Variants in RAPGEF6 observed in about 807,000 individuals in gnomAD.
The protein encoded by RAPGEF6 is Rap guanine nucleotide exchange factor 6.
RAPGEF6 carries 56 observed loss-of-function variants against 171.4 expected under a neutral mutation model. The ratio of observed to expected loss-of-function variants is 0.33; its 90% CI spans 0.26 to 0.41. The LOEUF (loss-of-function observed/expected upper bound fraction) is 0.41. Ranked by LOEUF, RAPGEF6 falls within the 10% of genes least tolerant of loss-of-function variation. The pLI is 1.00. For missense variants in RAPGEF6, 1,674 were observed against 1,921.4 expected, an observed-to-expected ratio of 0.87 and a Z score of 2.41; for synonymous variants, 692 against 650.1, an observed-to-expected ratio of 1.06 and a Z score of -0.98.
At chr5:131,504,472 A>AT (rs1257878251) in intron 11 of RAPGEF6, among the ~76,000 whole-genome samples, 154 bp downstream of exon 11, 1 of 152,200 alleles carries the variant, frequency 6.6e-6, no homozygotes, top group African/African-American at 2.4e-5. Context: ...AAAAAAAAAA[A>AT]AAATTTTAGA....
At chr5:131,576,223 G>A (rs1017374610) in intron 4 of RAPGEF6, among the ~76,000 whole-genome samples, 1 of 152,120 alleles carries the variant, frequency 6.6e-6, no homozygotes, top group Non-Finnish European at 1.5e-5. Flanking sequence ...GTTTACTGAT[G>A]GTAGTTCTTC....
intron 4 of RAPGEF6, among the ~76,000 whole-genome samples, chr5:131,574,834 A>AC (rs1762514834): frequency 6.6e-6 from 1 of 151,294 alleles, no homozygotes; most frequent in South Asian, 2.1e-4. Context: ...AAACCTAATC[A>AC]CCCTTACCCC....
intron 5 of RAPGEF6, among the ~76,000 whole-genome samples, chr5:131,561,190 C>T (rs1355413250): frequency 6.6e-6 from 1 of 152,024 alleles, no homozygotes; most frequent in Non-Finnish European, 1.5e-5. Flanking sequence ...TCCTTAAATA[C>T]ACTCTTAAAT....
intron 3 of RAPGEF6, among the ~76,000 whole-genome samples, chr5:131,602,523 G>A (rs567865255): frequency 6.6e-6 from 1 of 152,300 alleles, no homozygotes; most frequent in African/African-American, 2.4e-5. Flanking sequence ...CGCTTTGGGA[G>A]GCCGAGGCAG....
chr5:131,449,367 A>G (rs1752915616), intron 21 of RAPGEF6, among the ~76,000 whole-genome samples: 1 of 152,234 alleles, frequency 6.6e-6, no homozygotes. Context: ...CAATGCTACA[A>G]GTAAGTGGCA....
intron 6 of RAPGEF6, among the ~76,000 whole-genome samples, chr5:131,530,287 G>A (rs976206312): frequency 4.6e-5 from 7 of 151,924 alleles, no homozygotes; most frequent in African/African-American, 1.7e-4. Flanking sequence ...AACTGCTAAA[G>A]AAAAAAGACT....
intron 1 of RAPGEF6, among the ~76,000 whole-genome samples, chr5:131,634,038 G>C (rs1159037161): frequency 6.6e-6 from 1 of 152,094 alleles, no homozygotes; most frequent in African/African-American, 2.4e-5. Flanking sequence ...TAATTGTCAC[G>C]ACCCAAAAGG....
At chr5:131,494,360 C>T (rs1756486054) in intron 13 of RAPGEF6, among the ~76,000 whole-genome samples, 1 of 152,200 alleles carries the variant, frequency 6.6e-6, no homozygotes, top group African/African-American at 2.4e-5. Flanking sequence ...AATTCACGAA[C>T]AGCTACTGTG....
At chr5:131,432,961 GA>G (rs1250986217) in intron 25 of RAPGEF6, among the ~76,000 whole-genome samples, 1 of 151,538 alleles carries the variant, frequency 6.6e-6, no homozygotes, top group Non-Finnish European at 1.5e-5. Context: ...ATTTAGAGTT[GA>G]TTTTTTTTTT....
At chr5:131,462,654 TC>T (rs1440407565) in intron 18 of RAPGEF6, among the ~76,000 whole-genome samples, 1 of 152,226 alleles carries the variant, frequency 6.6e-6, no homozygotes, top group Non-Finnish European at 1.5e-5. Context: ...GTGGCACTTA[TC>T]AGTTACCACA....
At chr5:131,459,966 T>G (rs1424470016) in intron 19 of RAPGEF6, among the ~76,000 whole-genome samples, 2 of 152,178 alleles carry the variant, frequency 1.3e-5, no homozygotes, top group Non-Finnish European at 2.9e-5. Flanking sequence ...AGTTGTTAAT[T>G]ATAGCCAGAA....
At chr5:131,473,146 G>A (rs1012926141) in intron 16 of RAPGEF6, among the ~76,000 whole-genome samples, 1 of 152,018 alleles carries the variant, frequency 6.6e-6, no homozygotes, top group African/African-American at 2.4e-5. Flanking sequence ...CCTTTCTCCA[G>A]AAAATCTTGG....
chr5:131,587,117 G>A (rs967674299), intron 4 of RAPGEF6, among the ~76,000 whole-genome samples: 1 of 152,120 alleles, frequency 6.6e-6, no homozygotes, highest in Admixed American at 6.5e-5. Context: ...TTGCCCAATA[G>A]ATTCCATTAT....
rs758082423 is a variant in RAPGEF6 at position 131,455,958 on chromosome 5, T to G, written c.2919A>C (p.Pro973=). Residue 973 remains proline, a synonymous_variant, in exon 20 of 28, where the codon CCA becomes CCC. Coordinates refer to ENST00000509018, the MANE Select transcript of RAPGEF6 (RefSeq NM_016340.6). The stretch of plus-strand genomic sequence containing the variant: ...CTTGAAGATGTTTCTCGTATTTGCT[T>G]GGTAACTTTTCCCAAGTTCCTCTGA... The part of the protein sequence containing the change: ...ARLRGTWEKL[P]SKYEKHLQDL... The G allele has an allele frequency of 2.9e-5, 46 of 1,613,852 alleles. No homozygotes were observed. The highest frequency in any genetic ancestry group is 3.6e-5 in the Non-Finnish European group (43 of 1,179,956).
intron 3 of RAPGEF6, among the ~76,000 whole-genome samples, chr5:131,593,224 T>C (rs1323044859): frequency 1.2e-5 from 1 of 86,686 alleles, no homozygotes; most frequent in African/African-American, 2.9e-5. Context: ...CAAAACCCTT[T>C]TTCCAAATCA....
intron 5 of RAPGEF6, among the ~76,000 whole-genome samples, chr5:131,556,187 C>A (rs1761225283): frequency 6.6e-6 from 1 of 152,200 alleles, no homozygotes; most frequent in Admixed American, 6.5e-5. Flanking sequence ...CGCCTGTAAT[C>A]CCAGCACTTC....
chr5:131,511,963 T>C (rs1001985604), intron 7 of RAPGEF6, among the ~76,000 whole-genome samples: 4 of 152,214 alleles, frequency 2.6e-5, no homozygotes, highest in Non-Finnish European at 5.9e-5. Context: ...CTTTCTTAAC[T>C]GGTTGCTAAA....
intron 1 of RAPGEF6, among the ~76,000 whole-genome samples, chr5:131,631,836 G>A (rs965439612): frequency 6.6e-6 from 1 of 152,098 alleles, no homozygotes; most frequent in South Asian, 2.1e-4. Context: ...CAGCACTTTG[G>A]GAGGCCAAGG....
chr5:131,498,996 GAAAGAAAGAA>G (rs1247121457), intron 11 of RAPGEF6, among the ~76,000 whole-genome samples: 2 of 151,642 alleles, frequency 1.3e-5, no homozygotes, highest in Non-Finnish European at 2.9e-5. Context: ...TTAAACTAAA[GAAAGAAAGAA>G]AAAGAAAGGA....
Sources: allele counts gnomAD v4.1 joint callset (sites outside exome capture counted in the v4.1 genomes callset), GRCh38; gene constraint gnomAD v4.1.1; transcripts MANE v1.5; gene names NCBI Gene and HGNC (gene_info 2026-07-23, HGNC 2026-07-21).